Variants in NELL1 observed in about 807,000 individuals in gnomAD.
NELL1 encodes the protein neural EGFL like 1, also known as protein kinase C-binding protein NELL1.
In NELL1, 76 loss-of-function variants were observed where a neutral mutation model predicts 107.4. The ratio of observed to expected loss-of-function variants is 0.71; its 90% confidence interval spans 0.59 to 0.86. The LOEUF (loss-of-function observed/expected upper bound fraction) is 0.86. Among genes scored for constraint, NELL1 ranks in the 40% least tolerant of loss-of-function variants. The pLI is 0.00. For missense variants in NELL1, 1,024 were observed against 1,005.5 expected, an observed-to-expected ratio of 1.02 and a Z score of -0.25; for synonymous variants, 353 against 341.2, an observed-to-expected ratio of 1.03 and a Z score of -0.38.
chr11:20,706,090 T>C (rs1368658781), intron 2 of NELL1, among the ~76,000 whole-genome samples: 1 of 152,148 alleles, frequency 6.6e-6, no homozygotes, highest in Non-Finnish European at 1.5e-5. Flanking sequence ...AGTTCAACCA[T>C]TGTGGAAGAC....
At chr11:21,500,220 C>A (rs1344418488) in intron 15 of NELL1, among the ~76,000 whole-genome samples, 1 of 152,092 alleles carries the variant, frequency 6.6e-6, no homozygotes, top group Non-Finnish European at 1.5e-5. Context: ...GCTTGATTAT[C>A]TGTAACTACT....
intron 13 of NELL1, among the ~76,000 whole-genome samples, chr11:21,186,168 C>T (rs942879124): frequency 1.3e-5 from 2 of 151,838 alleles, no homozygotes; most frequent in African/African-American, 4.9e-5. Flanking sequence ...GATCTTAGGT[C>T]ATGTGACTTC....
chr11:21,332,590 A>G (rs1590844630), intron 14 of NELL1, among the ~76,000 whole-genome samples: 1 of 152,060 alleles, frequency 6.6e-6, no homozygotes, highest in East Asian at 1.9e-4. Flanking sequence ...TCTCATACAA[A>G]CTAAATCTTC....
chr11:21,102,562 G>A (rs1304737324), intron 12 of NELL1, among the ~76,000 whole-genome samples: 1 of 152,164 alleles, frequency 6.6e-6, no homozygotes, highest in Non-Finnish European at 1.5e-5. Flanking sequence ...ACTTCAAAGG[G>A]TTATTATGAG....
chr11:21,070,072 C>G (rs552271608), intron 12 of NELL1, among the ~76,000 whole-genome samples: 6 of 151,616 alleles, frequency 4.0e-5, no homozygotes, highest in African/African-American at 1.5e-4. Context: ...CCTGAAATGA[C>G]GGGTTTGCTC....
chr11:20,762,210 C>A (rs547166403), intron 2 of NELL1, among the ~76,000 whole-genome samples: 2 of 152,144 alleles, frequency 1.3e-5, no homozygotes, highest in Non-Finnish European at 2.9e-5. Flanking sequence ...AAAGTAAACA[C>A]GGTTCAGGTG....
chr11:21,573,785 G>A (rs541283028), intron 19 of NELL1, among the ~76,000 whole-genome samples: 24 of 151,572 alleles, frequency 1.6e-4, no homozygotes, highest in African/African-American at 5.3e-4. Flanking sequence ...GGGAGGGAGG[G>A]AAAGAGGGAG....
At chr11:21,041,195 A>G (rs555333955) in intron 12 of NELL1, among the ~76,000 whole-genome samples, 2 of 152,344 alleles carry the variant, frequency 1.3e-5, no homozygotes, top group East Asian at 1.9e-4. Flanking sequence ...AAGCCGCACT[A>G]TCATGTATCA....
At chr11:21,544,246 T>G (rs952475637) in intron 16 of NELL1, among the ~76,000 whole-genome samples, 3 of 151,982 alleles carry the variant, frequency 2.0e-5, no homozygotes, top group Non-Finnish European at 4.4e-5. Flanking sequence ...ATTATATCCT[T>G]AAAAATATCC....
At chr11:21,508,272 A>G (rs1475517782) in intron 15 of NELL1, among the ~76,000 whole-genome samples, 1 of 152,042 alleles carries the variant, frequency 6.6e-6, no homozygotes, top group Admixed American at 6.5e-5. Context: ...AAGGAAATAG[A>G]CAAATAACTA....
chr11:20,949,364 T>A (rs1851028417), intron 11 of NELL1, among the ~76,000 whole-genome samples: 2 of 152,242 alleles, frequency 1.3e-5, no homozygotes, highest in Admixed American at 6.5e-5. Flanking sequence ...AATATCTTCC[T>A]TGATTTATCT....
At chr11:21,064,240 T>C (rs2134367572) in intron 12 of NELL1, among the ~76,000 whole-genome samples, 1 of 152,262 alleles carries the variant, frequency 6.6e-6, no homozygotes, top group African/African-American at 2.4e-5. Flanking sequence ...GACTTTTTTC[T>C]GAGTGAACTC....
chr11:21,557,496 C>G (rs1380789133), intron 16 of NELL1, among the ~76,000 whole-genome samples: 4 of 151,968 alleles, frequency 2.6e-5, no homozygotes, highest in African/African-American at 9.7e-5. Flanking sequence ...ATTACCAACC[C>G]TTTTGTAGCC....
intron 15 of NELL1, among the ~76,000 whole-genome samples, chr11:21,507,418 G>GAAAAC (rs1279324979): frequency 8.5e-5 from 13 of 152,200 alleles, no homozygotes; most frequent in African/African-American, 2.6e-4. Context: ...TAGCCCCATG[G>GAAAAC]AAAACAATCT....
At chr11:21,024,768 A>G (rs988698527) in intron 12 of NELL1, among the ~76,000 whole-genome samples, 1 of 152,148 alleles carries the variant, frequency 6.6e-6, no homozygotes, top group Admixed American at 6.6e-5. Context: ...TTCCAAGGCT[A>G]TAGTTTCTTA....
rs188464551 is a variant in NELL1, at chr11:21,240,340, C to T, written c.1549+10886C>T. Among the ~76,000 whole-genome samples the T allele has an allele frequency of 1.1e-3, 169 of 152,034 alleles. 1 individual carries two copies. Among genetic ancestry groups the T allele is most frequent in the African/African-American group, 3.9e-3 (163 of 41,506 alleles). On this transcript the variant is annotated intron_variant, in intron 14 of 19. Coordinates refer to ENST00000357134, the MANE Select transcript of NELL1 (RefSeq NM_006157.5). ...TCATAAAAATGCTTACCAACAAATACTGATACTAAATTTAGATGTGGGGGT... is the reference window on the plus strand; with the variant it reads ...TCATAAAAATGCTTACCAACAAATATTGATACTAAATTTAGATGTGGGGGT...
intron 4 of NELL1, among the ~76,000 whole-genome samples, chr11:20,851,703 A>G: frequency 6.6e-6 from 1 of 152,176 alleles, no homozygotes; most frequent in East Asian, 1.9e-4. Flanking sequence ...CAGCCCATCA[A>G]ATTTATTTAT....
chr11:20,863,208 G>A (rs1849014521), intron 4 of NELL1, among the ~76,000 whole-genome samples: 1 of 137,950 alleles, frequency 7.2e-6, no homozygotes, highest in Non-Finnish European at 1.5e-5. Context: ...TCCCGGACGG[G>A]GCCGCAGCCG....
intron 15 of NELL1, among the ~76,000 whole-genome samples, chr11:21,446,834 C>A (rs1853444499): frequency 6.6e-6 from 1 of 152,226 alleles, no homozygotes; most frequent in Admixed American, 6.5e-5. Context: ...GTGAGGCCAG[C>A]CAGTCTTGTT....
Sources: allele counts gnomAD v4.1 joint callset (sites outside exome capture counted in the v4.1 genomes callset), GRCh38; gene constraint gnomAD v4.1.1; transcripts MANE v1.5; gene names NCBI Gene and HGNC (gene_info 2026-07-23, HGNC 2026-07-21).